NWD1: variants seen among roughly 807,000 people sequenced by gnomAD.
NWD1 encodes NACHT domain- and WD repeat-containing protein 1.
In NWD1, 129 loss-of-function variants were observed where a neutral mutation model predicts 135.1. That is an observed-to-expected ratio of 0.96 (90% CI 0.83 to 1.11). The LOEUF (loss-of-function observed/expected upper bound fraction) is 1.11, where lower values mean the gene tolerates loss of function less well. NWD1 is among the 50% of genes least tolerant of loss of function. NWD1 has a pLI of 0.00. For missense variants in NWD1, 1,740 were observed against 1,851.3 expected (o/e 0.94, Z 1.10); for synonymous variants, 773 against 786.0 (o/e 0.98, Z 0.28).
At chr19:16,773,104 A>G (rs2122948971) in intron 10 of NWD1, 22 bp from the exon 11 acceptor site, 1 of 1,610,460 alleles carries the variant, frequency 6.2e-7, no homozygotes, top group Non-Finnish European at 8.5e-7. Flanking sequence ...CAGGCAACTT[A>G]GTCTACATCC....
intron 7 of NWD1, among the ~76,000 whole-genome samples, chr19:16,761,680 A>AG (rs1969018444): frequency 6.6e-6 from 1 of 152,076 alleles, no homozygotes; most frequent in African/African-American, 2.4e-5. Context: ...CTGTTTCTTA[A>AG]TTCTCGGTAT....
chr19:16,731,733 T>G (rs1392999493), intron 3 of NWD1, among the ~76,000 whole-genome samples: 1 of 151,712 alleles, frequency 6.6e-6, no homozygotes, highest in Admixed American at 6.6e-5. Context: ...GCCTCCTGAG[T>G]AGCTGGGATT....
chr19:16,746,702 A>C (rs1179322378), intron 5 of NWD1, among the ~76,000 whole-genome samples: 3 of 151,866 alleles, frequency 2.0e-5, no homozygotes, highest in East Asian at 1.9e-4. Flanking sequence ...ACAAAAAAAA[A>C]CAGTCGATGA....
At chr19:16,770,138 A>G (rs1286211962) in intron 10 of NWD1, among the ~76,000 whole-genome samples, 1 of 152,130 alleles carries the variant, frequency 6.6e-6, no homozygotes, top group Non-Finnish European at 1.5e-5. Flanking sequence ...ACACATTGAT[A>G]TGGTTTGGCT....
At chr19:16,737,131 C>T (rs1390920216) in intron 4 of NWD1, among the ~76,000 whole-genome samples, 1 of 152,038 alleles carries the variant, frequency 6.6e-6, no homozygotes, top group Admixed American at 6.6e-5. Context: ...TTTTTTTCCT[C>T]CATGTGCCCA....
rs1355320694 is a variant in NWD1, at chr19:16,744,427, A to C, written c.205A>C (p.Ile69Leu). 12 of 1,535,452 alleles carry C rather than the reference A, an allele frequency of 7.8e-6. No homozygotes were observed. The highest frequency in any genetic ancestry group is 1.0e-5 in the Non-Finnish European group (12 of 1,146,502). ...TSIGPAFVALIGDQYGPCLIP... is the reference protein window; with the variant it reads ...TSIGPAFVALLGDQYGPCLIP... ...GTGACTTCCTCTCTGCCAGGCCCTC[A>C]TCGGTGATCAGTACGGCCCCTGTCT... is the stretch of plus-strand genomic sequence containing the variant. Residue 69 changes from isoleucine to leucine, a missense_variant, in exon 5 of 19, where the codon ATC becomes CTC. Coordinates refer to ENST00000524140, the MANE Select transcript of NWD1 (RefSeq NM_001007525.5).
At chr19:16,781,728 A>C (rs1414128261) in intron 12 of NWD1, among the ~76,000 whole-genome samples, 1 of 152,152 alleles carries the variant, frequency 6.6e-6, no homozygotes, top group Non-Finnish European at 1.5e-5. Context: ...TTGAATAAAT[A>C]AGTTAAAATA....
intron 7 of NWD1, 22 bp from the exon 8 acceptor site, chr19:16,761,957 A>T: frequency 1.3e-6 from 2 of 1,592,172 alleles, no homozygotes. Flanking sequence ...CAGGTCTATC[A>T]GTCTGTATAC....
intron 4 of NWD1, among the ~76,000 whole-genome samples, chr19:16,742,236 G>A (rs368145504): frequency 5.3e-5 from 8 of 152,080 alleles, no homozygotes; most frequent in East Asian, 3.9e-4. Context: ...TTAGCCAGGC[G>A]TGGTGGCTCA....
intron 12 of NWD1, among the ~76,000 whole-genome samples, chr19:16,786,354 C>T (rs917300349): frequency 6.6e-6 from 1 of 151,806 alleles, no homozygotes; most frequent in Non-Finnish European, 1.5e-5. Context: ...TAATTTCCAC[C>T]ATCAATTTCA....
chr19:16,798,754 G>C (rs1415674229), intron 16 of NWD1, among the ~76,000 whole-genome samples: 1 of 152,072 alleles, frequency 6.6e-6, no homozygotes, highest in Non-Finnish European at 1.5e-5. Context: ...AGCCTCGCAA[G>C]TAGCTGGGAT....
At chr19:16,765,929 A>G (rs570567239) in intron 10 of NWD1, among the ~76,000 whole-genome samples, 1 of 150,462 alleles carries the variant, frequency 6.6e-6, no homozygotes, top group South Asian at 2.1e-4. Flanking sequence ...AGGCAGGAGA[A>G]TTGCTGGAAC....
intron 5 of NWD1, among the ~76,000 whole-genome samples, chr19:16,748,341 A>C (rs1352941538): frequency 1.3e-5 from 2 of 152,060 alleles, no homozygotes; most frequent in Non-Finnish European, 2.9e-5. Context: ...GTGCTGTTAC[A>C]AGCTAGGGTG....
chr19:16,738,791 T>C (rs1004657678), intron 4 of NWD1, among the ~76,000 whole-genome samples: 1 of 121,748 alleles, frequency 8.2e-6, no homozygotes, highest in African/African-American at 3.5e-5. Flanking sequence ...TAATATATAA[T>C]AACATATAAC....
intron 16 of NWD1, among the ~76,000 whole-genome samples, chr19:16,798,447 A>C (rs1467399035): frequency 1.3e-5 from 2 of 151,934 alleles, no homozygotes; most frequent in African/African-American, 4.8e-5. Context: ...CAATCTCTAC[A>C]AAAAAACACA....
intron 6 of NWD1, among the ~76,000 whole-genome samples, chr19:16,754,072 T>TC (rs1287863864): frequency 4.6e-5 from 7 of 151,272 alleles, no homozygotes; most frequent in Non-Finnish European, 7.4e-5. Flanking sequence ...ATCTCGATCT[T>TC]CCTTCCATCC....
intron 6 of NWD1, among the ~76,000 whole-genome samples, chr19:16,754,736 C>T (rs1024124764): frequency 1.3e-5 from 2 of 150,310 alleles, no homozygotes; most frequent in Non-Finnish European, 3.0e-5. Flanking sequence ...CTCTATCTTC[C>T]TTCCATCCAT....
rs115760264 is a variant in NWD1, at chr19:16,732,804, G to A, written c.81+1526G>A. ...CATGCAGCGCTATCCCTGGCTAACC[G>A]GGGATGTTTCTGCCTGCACATTTCC... is the stretch of plus-strand genomic sequence containing the variant. On this transcript the variant is annotated intron_variant, in intron 3 of 18. Coordinates refer to ENST00000524140, the MANE Select transcript of NWD1 (RefSeq NM_001007525.5). Among the ~76,000 whole-genome samples, 369 of 152,108 alleles carry A rather than the reference G, an allele frequency of 2.4e-3. 2 individuals are homozygous for A. Among genetic ancestry groups the A allele is most frequent in the African/African-American group, 8.4e-3 (347 of 41,468 alleles).
At chr19:16,746,764 T>G (rs1390086640) in intron 5 of NWD1, among the ~76,000 whole-genome samples, 2 of 151,970 alleles carry the variant, frequency 1.3e-5, no homozygotes, top group Non-Finnish European at 2.9e-5. Context: ...TACAATCAAG[T>G]AAGCTAGAGA....
Sources: gnomAD v4.1 joint callset for allele counts (sites outside exome capture counted in the v4.1 genomes callset) on GRCh38, gnomAD v4.1.1 for gene constraint, MANE v1.5 for transcripts, NCBI Gene and HGNC (gene_info 2026-07-23, HGNC 2026-07-21) for gene names.